The following SUPT3H variants were observed in gnomAD, a reference collection of about 807,000 sequenced individuals.
SUPT3H encodes transcription initiation protein SPT3 homolog.
SUPT3H carries 44 observed loss-of-function variants against 44.3 expected under a neutral mutation model. That is an observed-to-expected ratio of 0.99 (90% confidence interval 0.78 to 1.28). The LOEUF is 1.28. SUPT3H is among the 50% of genes most tolerant of loss of function. The probability of loss-of-function intolerance (pLI) is 0.00; values close to 1 mark genes in which losing one functional copy is unlikely to be tolerated. For missense variants in SUPT3H, 380 were observed against 387.1 expected (o/e 0.98, Z 0.15); for synonymous variants, 124 against 125.6 (o/e 0.99, Z 0.09).
intron 2 of SUPT3H, among the ~76,000 whole-genome samples, chr6:45,310,637 AGCT>A (rs1783793889): frequency 6.6e-6 from 1 of 152,190 alleles, no homozygotes; most frequent in African/African-American, 2.4e-5. Context: ...ACCAGCCAGG[AGCT>A]GGGTAGACTC....
intron 2 of SUPT3H, among the ~76,000 whole-genome samples, chr6:45,127,669 CAA>C (rs777452852): frequency 5.9e-5 from 9 of 152,114 alleles, no homozygotes; most frequent in Non-Finnish European, 1.2e-4. Context: ...CTTCTATTTT[CAA>C]AGACTTTTCT....
chr6:45,296,575 C>T (rs1313464267), intron 2 of SUPT3H, among the ~76,000 whole-genome samples: 1 of 151,434 alleles, frequency 6.6e-6, no homozygotes, highest in Non-Finnish European at 1.5e-5. Flanking sequence ...CCCGTCTCTA[C>T]TAAAAATATA....
intron 6 of SUPT3H, among the ~76,000 whole-genome samples, chr6:44,976,599 G>C (rs1045330487): frequency 6.6e-6 from 1 of 152,160 alleles, no homozygotes. Flanking sequence ...CTGACCTCAA[G>C]TGATCTGCCC....
At chr6:45,181,869 TAATAAATAAATAAATA>T (rs200711022) in intron 2 of SUPT3H, among the ~76,000 whole-genome samples, 6 of 147,584 alleles carry the variant, frequency 4.1e-5, no homozygotes, top group African/African-American at 4.9e-5. Context: ...AGTATAATAA[TAATAAATAAATAAATA>T]AATAAATAAA....
chr6:45,029,767 A>T (rs114368250), intron 3 of SUPT3H, among the ~76,000 whole-genome samples: 2,671 of 152,110 alleles, frequency 0.018, 51 homozygotes, highest in South Asian at 0.086. Context: ...AACTGTTTTA[A>T]AATTTTTCTT....
At chr6:45,332,783 T>C (rs1208192788) in intron 2 of SUPT3H, among the ~76,000 whole-genome samples, 1 of 151,730 alleles carries the variant, frequency 6.6e-6, no homozygotes, top group African/African-American at 2.4e-5. Flanking sequence ...AATACTAAAA[T>C]TGTAATTATG....
intron 2 of SUPT3H, among the ~76,000 whole-genome samples, chr6:45,317,227 C>CAA (rs70996324): frequency 0.25 from 9,097 of 35,898 alleles, 1,864 homozygotes; most frequent in Non-Finnish European, 0.34. Flanking sequence ...GACTCTGTCT[C>CAA]AAAAAAAAAA....
intron 2 of SUPT3H, among the ~76,000 whole-genome samples, chr6:45,297,787 C>T (rs73735349): frequency 7.9e-4 from 120 of 152,106 alleles, no homozygotes; most frequent in African/African-American, 2.6e-3. Flanking sequence ...AGCCTATCAC[C>T]CAGAGAAAAC....
At chr6:45,279,395 T>A (rs1173630683) in intron 2 of SUPT3H, among the ~76,000 whole-genome samples, 1 of 152,196 alleles carries the variant, frequency 6.6e-6, no homozygotes, top group East Asian at 1.9e-4. Flanking sequence ...CATGTTGATA[T>A]GCTATCCCTA....
At chr6:45,018,832 G>A (rs1267222517) in intron 4 of SUPT3H, among the ~76,000 whole-genome samples, 1 of 151,800 alleles carries the variant, frequency 6.6e-6, no homozygotes, top group Non-Finnish European at 1.5e-5. Context: ...TCTCTGCCCA[G>A]CTTTGGTATC....
Position 45,333,273 on chromosome 6 carries a change from G to A in SUPT3H, c.101+31928C>T, listed in dbSNP as rs144148518. On this transcript the variant is annotated intron_variant, in intron 2 of 10. Coordinates refer to ENST00000371459, the MANE Select transcript of SUPT3H (RefSeq NM_003599.4). ...AGGGAAATTCTATACCTTATTAAAA[G>A]GGAGTTTCCTTACATTTTTAACCAC... Among the ~76,000 whole-genome samples the A allele has an allele frequency of 1.6e-3, 249 of 151,646 alleles. 1 individual carries two copies. Among genetic ancestry groups the A allele is most frequent in the African/African-American group, 5.7e-3 (235 of 41,480 alleles).
chr6:45,158,292 A>ATTTTTTTTTT (rs1562573016), intron 2 of SUPT3H, among the ~76,000 whole-genome samples: 1 of 32,340 alleles, frequency 3.1e-5, no homozygotes, highest in African/African-American at 1.1e-4. Flanking sequence ...ATATATATAT[A>ATTTTTTTTTT]TATATATTTT....
intron 3 of SUPT3H, among the ~76,000 whole-genome samples, chr6:45,033,408 A>T (rs1787235004): frequency 6.6e-6 from 1 of 152,114 alleles, no homozygotes; most frequent in Non-Finnish European, 1.5e-5. Flanking sequence ...TAGGCCAGTC[A>T]TGGGGCTGAG....
At chr6:44,819,435 T>C (rs1042692512) in intron 11 of SUPT3H, among the ~76,000 whole-genome samples, 5 of 152,012 alleles carry the variant, frequency 3.3e-5, no homozygotes, top group Non-Finnish European at 5.9e-5. Context: ...TAAATTGTGC[T>C]GTACATATAA....
chr6:45,062,533 A>T (rs1270787384), intron 3 of SUPT3H, among the ~76,000 whole-genome samples: 1 of 152,152 alleles, frequency 6.6e-6, no homozygotes. Flanking sequence ...TGATTTCTGC[A>T]TTTCCATCTG....
chr6:45,165,617 T>G (rs1748231), intron 2 of SUPT3H, among the ~76,000 whole-genome samples: 93,650 of 151,980 alleles, frequency 0.62, 29,446 homozygotes, highest in African/African-American at 0.75. Context: ...AGGCCCAATA[T>G]GCAGAGAAGA....
At chr6:45,143,469 G>A (rs1805559875) in intron 2 of SUPT3H, among the ~76,000 whole-genome samples, 1 of 152,042 alleles carries the variant, frequency 6.6e-6, no homozygotes, top group Admixed American at 6.6e-5. Context: ...GGTCAAAAAT[G>A]AAATCAAGAT....
intron 9 of SUPT3H, among the ~76,000 whole-genome samples, chr6:44,948,181 C>T (rs1773656651): frequency 6.6e-6 from 1 of 152,070 alleles, no homozygotes; most frequent in African/African-American, 2.4e-5. Context: ...GTACCAGTAC[C>T]ATTCTGTTTT....
chr6:45,299,732 C>T (rs1781845867), intron 2 of SUPT3H, among the ~76,000 whole-genome samples: 2 of 146,416 alleles, frequency 1.4e-5, no homozygotes, highest in East Asian at 2.0e-4. Context: ...CTGGGCAACA[C>T]AGTGAGACCC....
Sources: gnomAD v4.1 joint callset for allele counts (sites outside exome capture counted in the v4.1 genomes callset) on GRCh38, gnomAD v4.1.1 for gene constraint, MANE v1.5 for transcripts, NCBI Gene and HGNC (gene_info 2026-07-23, HGNC 2026-07-21) for gene names.